The following PPIL2 variants were observed in gnomAD, a reference collection of about 807,000 sequenced individuals.
PPIL2 encodes the protein peptidylprolyl isomerase like 2.
A neutral mutation model predicts 75.2 loss-of-function variants in PPIL2; 50 were observed. The ratio of observed to expected loss-of-function variants is 0.66; its 90% CI spans 0.53 to 0.84. The LOEUF (loss-of-function observed/expected upper bound fraction) is 0.84. Among genes scored for constraint, PPIL2 ranks in the 40% least tolerant of loss-of-function variants. The pLI, the probability that PPIL2 is intolerant of heterozygous loss-of-function variation, is 0.00. For missense variants in PPIL2, 590 were observed against 685.0 expected (o/e 0.86, Z 1.55); for synonymous variants, 245 against 258.8 (o/e 0.95, Z 0.51).
intron 14 of PPIL2, 53 bp from the exon 15 acceptor site, chr22:21,688,679 C>A: frequency 6.4e-7 from 1 of 1,557,398 alleles, no homozygotes; most frequent in South Asian, 1.1e-5. Flanking sequence ...GTTTCTAGTT[C>A]TGCCTCGGCT....
chr22:21,688,249 C>A, intron 14 of PPIL2, 143 bp downstream of exon 14: 1 of 1,075,136 alleles, frequency 9.3e-7, no homozygotes, highest in Non-Finnish European at 1.4e-6. Flanking sequence ...CAGTGCTGTG[C>A]CCCCTCAGGC....
In PPIL2 at chr22:21,686,873, C is replaced by T; in HGVS notation, c.791-19C>T. ...CCCCAGGGTGAGGGCAGGGGCTGAG[C>T]TGGGACCTTGGCTTGTAGCTGCCAT... On this transcript the variant is annotated intron_variant, in intron 11 of 19. Coordinates refer to ENST00000398831, the MANE Select transcript of PPIL2 (RefSeq NM_014337.4). 6.2e-7 allele frequency: 1 copy of T among 1,612,444 alleles called. No homozygotes were observed. The highest frequency in any genetic ancestry group is 8.5e-7 in the Non-Finnish European group (1 of 1,178,784).
At chr22:21,689,188 A>C (rs1023976966) in intron 15 of PPIL2, among the ~76,000 whole-genome samples, 2 of 152,206 alleles carry the variant, frequency 1.3e-5, no homozygotes, top group African/African-American at 4.8e-5. Flanking sequence ...TGTGCAGGGC[A>C]CAGGCTGCAC....
chr22:21,672,120 C>T (rs189550024), intron 4 of PPIL2, among the ~76,000 whole-genome samples: 2 of 152,298 alleles, frequency 1.3e-5, no homozygotes. Context: ...TACATAACTA[C>T]AGTAATAACT....
At chr22:21,681,245 G>A in intron 6 of PPIL2, 54 bp from the exon 7 acceptor site, 1 of 1,443,320 alleles carries the variant, frequency 6.9e-7, no homozygotes, top group East Asian at 2.3e-5. Context: ...TCCTCACTGG[G>A]ATGTTCACAG....
intron 4 of PPIL2, 93 bp downstream of exon 4, chr22:21,671,152 G>T (rs2066618139): frequency 7.1e-6 from 9 of 1,274,826 alleles, no homozygotes; most frequent in Non-Finnish European, 1.0e-5. Context: ...TAGGGCTCTT[G>T]GGCACACAGA....
At chr22:21,675,644 G>A (rs962157123) in intron 6 of PPIL2, among the ~76,000 whole-genome samples, 4 of 152,246 alleles carry the variant, frequency 2.6e-5, no homozygotes, top group Non-Finnish European at 4.4e-5. Context: ...AAGGCGATCA[G>A]GCCATTGTAA....
rs199577720 is a variant in PPIL2 at position 21,686,547 on chromosome 22, C to T, written c.779C>T (p.Thr260Ile). Reference protein sequence around the residue: ...FTSTAMVPETTHEAAAIDEDV... With the variant: ...FTSTAMVPETIHEAAAIDEDV... ...TCCACCGCGATGGTCCCGGAGACCA[C>T]ACATGAAGCAGGTAGCCACCTTGGC... The change falls in exon 11 of 20, where the codon ACA (threonine) becomes ATA (isoleucine). Residue 260 changes from threonine to isoleucine, a missense_variant. By Grantham distance (89) the Thr-to-Ile change is moderately conservative. Coordinates refer to ENST00000398831, the MANE Select transcript of PPIL2 (RefSeq NM_014337.4). The T allele has an allele frequency of 4.4e-5, 71 of 1,614,128 alleles. No homozygotes were observed. The highest frequency in any genetic ancestry group is 3.3e-4 in the Middle Eastern group (2 of 6,062).
At position 21,696,141 on chromosome 22, in the gene PPIL2, G is replaced by A. The variant is rs914165341; in HGVS notation, c.*651G>A. ...TAAGCCTCTGCAGGGTGGGCTTCTC[G>A]GTCTGTTTTGACAAAACTTCAGGGG... On this transcript the variant is annotated 3_prime_UTR_variant, in exon 20 of 20. Transcript: ENST00000398831. 1.1e-5 allele frequency: 11 copies of A among 996,312 alleles called. No homozygotes were observed. The highest frequency in any genetic ancestry group is 1.3e-5 in the Non-Finnish European group (11 of 835,784). The allele number at this position is 996,312 out of a possible 1,614,324, so 61.7% of individuals were successfully genotyped here.
chr22:21,692,351 T>C (rs2067694791), intron 15 of PPIL2, among the ~76,000 whole-genome samples: 2 of 151,430 alleles, frequency 1.3e-5, no homozygotes, highest in East Asian at 2.0e-4. Flanking sequence ...AGATGGGGTT[T>C]CACCGTGTTA....
downstream of PPIL2, chr22:21,699,566 G>C (rs2068043081): frequency 6.6e-6 from 1 of 152,560 alleles, no homozygotes; most frequent in Non-Finnish European, 1.5e-5. Context: ...CAAGTGACAT[G>C]GGACAGCACC....
Position 21,697,281 on chromosome 22 carries a change from CCT to C in PPIL2, c.*1792_*1793del. 2.5e-6 allele frequency: 1 copy of C among 399,996 alleles called. No individual in the cohort carries two copies. The allele number at this position is 399,996 out of a possible 1,614,324, so 24.8% of individuals were successfully genotyped here. A position where few individuals can be genotyped will look rare whatever the true frequency, so the allele number is the denominator to read the frequency against. ...CAGGTGCGGGTGGTGGGGATGAAGG[CCT>C]GACCAGGGAGGGAGAAGCAGGTTTG... On this transcript the variant is annotated 3_prime_UTR_variant, in exon 20 of 20. Transcript: ENST00000398831.
At chr22:21,683,479 C>T (rs1003887923) in intron 9 of PPIL2, among the ~76,000 whole-genome samples, 1 of 152,230 alleles carries the variant, frequency 6.6e-6, no homozygotes, top group African/African-American at 2.4e-5. Context: ...CTCAGGTTCC[C>T]CTGCTCCCTG....
intron 1 of PPIL2, among the ~76,000 whole-genome samples, chr22:21,668,398 G>A (rs947038674): frequency 2.0e-4 from 30 of 151,610 alleles, no homozygotes; most frequent in Admixed American, 1.5e-3. Context: ...AGGCTGAGGC[G>A]GGTGGATCAC....
intron 6 of PPIL2, among the ~76,000 whole-genome samples, chr22:21,679,216 T>A (rs1471304944): frequency 1.3e-5 from 2 of 151,982 alleles, no homozygotes; most frequent in African/African-American, 4.8e-5. Flanking sequence ...TTTTAATTTT[T>A]ATTTTTGTAG....
intron 13 of PPIL2, 67 bp from the exon 14 acceptor site, chr22:21,688,006 T>C: frequency 6.3e-7 from 1 of 1,599,700 alleles, no homozygotes; most frequent in Non-Finnish European, 8.6e-7. Context: ...GGGGTGTCCT[T>C]CAGTCAGGCA....
chr22:21,669,966 A>G lies in PPIL2; in HGVS notation c.82+4A>G. ...TTTTATGGTGGCAAGAAGCCAGGTA[A>G]GGCATGCAGTCTTTCTGTTCCCCGT... On this transcript the variant is annotated splice_donor_region_variant and intron_variant, in intron 2 of 19. Transcript: ENST00000398831. The G allele has an allele frequency of 6.2e-7, 1 of 1,612,492 alleles. No individual in the cohort carries two copies. Among genetic ancestry groups the G allele is most frequent in the African/African-American group, 1.3e-5 (1 of 75,024 alleles).
Position 21,692,401 on chromosome 22 carries a change from ACCTTG to A in PPIL2, c.1140-1414_1140-1410del, listed in dbSNP as rs1448741128. On this transcript the variant is annotated intron_variant, in intron 15 of 19. Coordinates refer to ENST00000398831, the MANE Select transcript of PPIL2 (RefSeq NM_014337.4). Reference sequence around the variant, plus strand: ...GATCTCCTGACCTTGTGATCCGCCCACCTTGGCCTCCCAAAGTGCTGGGATTACAG... The same window carrying A: ...GATCTCCTGACCTTGTGATCCGCCCAGCCTCCCAAAGTGCTGGGATTACAG... Among the ~76,000 whole-genome samples, 871 of 150,554 alleles carry A rather than the reference ACCTTG, an allele frequency of 5.8e-3. 20 individuals carry two copies. The highest frequency in any genetic ancestry group is 0.03 in the Admixed American group (448 of 14,976).
chr22:21,670,471 C>T (rs1480191956), intron 2 of PPIL2, 95 bp from the exon 3 acceptor site: 13 of 1,495,198 alleles, frequency 8.7e-6, no homozygotes, highest in African/African-American at 1.4e-5. Context: ...TTTGCATGAA[C>T]TTTTTCATAA....
Sources: allele counts gnomAD v4.1 joint callset (sites outside exome capture counted in the v4.1 genomes callset), GRCh38; gene constraint gnomAD v4.1.1; transcripts MANE v1.5; gene names NCBI Gene and HGNC (gene_info 2026-07-23, HGNC 2026-07-21).